PARD3B: variants seen among roughly 807,000 people sequenced by gnomAD.
PARD3B encodes the protein partitioning defective 3 homolog B.
In PARD3B, 103 loss-of-function variants were observed where a neutral mutation model predicts 130.2. The observed-to-expected ratio is 0.79, with a 90% CI of 0.67 to 0.93. The LOEUF is 0.93. Among genes scored for constraint, PARD3B ranks in the 40% least tolerant of loss-of-function variants. The probability of loss-of-function intolerance (pLI) is 0.00; values close to 1 mark genes in which losing one functional copy is unlikely to be tolerated. For missense variants in PARD3B, 1,609 were observed against 1,499.2 expected (o/e 1.07, Z -1.21); for synonymous variants, 583 against 553.2 (o/e 1.05, Z -0.76).
At chr2:205,488,276 G>C (rs1024583907) in intron 20 of PARD3B, among the ~76,000 whole-genome samples, 1 of 152,032 alleles carries the variant, frequency 6.6e-6, no homozygotes. Context: ...GGGTGTTGGG[G>C]GTTGGGGAAC....
At chr2:204,818,128 T>C (rs2043210248) in intron 2 of PARD3B, among the ~76,000 whole-genome samples, 2 of 152,216 alleles carry the variant, frequency 1.3e-5, no homozygotes, top group Admixed American at 1.3e-4. Context: ...ACATCTGCTT[T>C]AGCATTCAGC....
chr2:205,217,895 T>TATA (rs1477830487), intron 15 of PARD3B, among the ~76,000 whole-genome samples: 19 of 33,358 alleles, frequency 5.7e-4, no homozygotes, highest in South Asian at 1.0e-3. Flanking sequence ...TATATATATA[T>TATA]TTTTTTTTTT....
Position 205,223,935 on chromosome 2 carries a change from A to G in PARD3B, c.2141-21843A>G, listed in dbSNP as rs532501328. ...CTGTCATTGTATTACAAACAATCCA[A>G]TTATACTATTTTAGTCATTCCGGAG... On this transcript the variant is annotated intron_variant, in intron 15 of 22. Transcript: ENST00000406610. Among the ~76,000 whole-genome samples the G allele has an allele frequency of 7.2e-5, 11 of 152,182 alleles. No individual in the cohort carries two copies. In the East Asian group the frequency reaches 1.7e-3, roughly 24 times the overall value.
chr2:205,497,001 T>G (rs945311532), intron 20 of PARD3B, among the ~76,000 whole-genome samples: 2 of 152,020 alleles, frequency 1.3e-5, no homozygotes, highest in African/African-American at 4.8e-5. Flanking sequence ...ACAGACACCA[T>G]GGTCATCTCG....
intron 3 of PARD3B, among the ~76,000 whole-genome samples, chr2:204,968,494 C>T (rs1325184651): frequency 1.3e-5 from 2 of 152,210 alleles, no homozygotes; most frequent in Non-Finnish European, 2.9e-5. Flanking sequence ...CTAGCTGCTT[C>T]CTCTCTGCCC....
At chr2:205,340,539 A>G (rs1606239) in intron 18 of PARD3B, among the ~76,000 whole-genome samples, 90,400 of 151,966 alleles carry the variant, frequency 0.59, 30,566 homozygotes, top group South Asian at 0.77. Context: ...AAAACTTGAT[A>G]TCTGTGTGCA....
intron 1 of PARD3B, among the ~76,000 whole-genome samples, chr2:204,597,341 T>C (rs1352234723): frequency 6.6e-6 from 1 of 152,122 alleles, no homozygotes; most frequent in East Asian, 1.9e-4. Context: ...ATATGGACAC[T>C]TAAAAAGTCT....
rs773740137 is a variant in PARD3B at position 205,352,931 on chromosome 2, T to C, written c.2631-48082T>C. ...ACATCATATGGAGAAAGAACCAATGTTTCATCTTTCTGTTTTTCAGAAGTC... is the reference window on the plus strand; with the variant it reads ...ACATCATATGGAGAAAGAACCAATGCTTCATCTTTCTGTTTTTCAGAAGTC... On this transcript the variant is annotated intron_variant, in intron 18 of 22. Transcript: ENST00000406610. This position sits in a 1 kb window ranked among gnomAD's most constrained non-coding sequence, Gnocchi z 5.2. 3.3e-5 allele frequency among the ~76,000 whole-genome samples: 5 copies of C among 152,168 alleles called. No individual in the cohort carries two copies. Among genetic ancestry groups the C allele is most frequent in the Non-Finnish European group, 7.3e-5 (5 of 68,032 alleles).
chr2:205,444,701 G>A (rs966990242), intron 20 of PARD3B, among the ~76,000 whole-genome samples: 77 of 152,282 alleles, frequency 5.1e-4, no homozygotes, highest in African/African-American at 1.8e-3. Flanking sequence ...AGTAAGAGAT[G>A]ATTACAGTAG....
intron 18 of PARD3B, among the ~76,000 whole-genome samples, chr2:205,329,994 A>AAAAT (rs199881710): frequency 0.044 from 2,794 of 62,940 alleles, 43 homozygotes; most frequent in East Asian, 0.099. Context: ...ACGCCGTCTC[A>AAAAT]AAATAAATAA....
At chr2:205,046,578 A>G (rs973682324) in intron 3 of PARD3B, among the ~76,000 whole-genome samples, 2 of 152,040 alleles carry the variant, frequency 1.3e-5, no homozygotes, top group Non-Finnish European at 2.9e-5. Context: ...ATGTTAAAGC[A>G]CACATAAAAA....
At chr2:204,745,842 T>G (rs1214258719) in intron 2 of PARD3B, among the ~76,000 whole-genome samples, 1 of 152,096 alleles carries the variant, frequency 6.6e-6, no homozygotes, top group Non-Finnish European at 1.5e-5. Context: ...ACTATTCACT[T>G]GCTGAATTCC....
At chr2:205,571,186 C>T (rs2053548983) in intron 22 of PARD3B, among the ~76,000 whole-genome samples, 1 of 152,156 alleles carries the variant, frequency 6.6e-6, no homozygotes, top group Admixed American at 6.5e-5. Flanking sequence ...AATTTAAAGG[C>T]CGCTATATCT....
intron 3 of PARD3B, among the ~76,000 whole-genome samples, chr2:204,979,594 T>C (rs1342099607): frequency 2.0e-5 from 3 of 152,202 alleles, no homozygotes; most frequent in African/African-American, 7.2e-5. Flanking sequence ...AGTGTAGAAT[T>C]GACAAGACAG....
intron 1 of PARD3B, among the ~76,000 whole-genome samples, chr2:204,644,898 C>G (rs1189361480): frequency 2.6e-5 from 4 of 152,084 alleles, no homozygotes; most frequent in African/African-American, 9.7e-5. Context: ...TATGAAAAAC[C>G]TTTTAAATAT....
rs1484375914 is a variant in PARD3B, at chr2:205,618,974, A to G, written c.*3161A>G. On this transcript the variant is annotated 3_prime_UTR_variant, in exon 23 of 23. Coordinates refer to ENST00000406610, the MANE Select transcript of PARD3B (RefSeq NM_001302769.2). Reference sequence around the variant, plus strand: ...TCATTATTCTTAGATCTGTAGATATATATGTGTTGACTCCCACAGGATGGC... The same window carrying G: ...TCATTATTCTTAGATCTGTAGATATGTATGTGTTGACTCCCACAGGATGGC... 1 of 152,234 alleles carries G rather than the reference A, an allele frequency of 6.6e-6. No homozygotes were observed. The highest frequency in any genetic ancestry group is 6.5e-5 in the Admixed American group (1 of 15,284). 9.4% of individuals were successfully genotyped at this position (152,234 alleles called of 1,614,324 possible). A position where few individuals can be genotyped will look rare whatever the true frequency, so the allele number is the denominator to read the frequency against.
chr2:204,701,528 A>C (rs2037891867), intron 2 of PARD3B, among the ~76,000 whole-genome samples: 1 of 152,154 alleles, frequency 6.6e-6, no homozygotes, highest in Non-Finnish European at 1.5e-5. Flanking sequence ...TGTACCTTGA[A>C]ATACACATAT....
chr2:204,761,553 GT>G (rs1215472400), intron 2 of PARD3B, among the ~76,000 whole-genome samples: 4 of 146,670 alleles, frequency 2.7e-5, no homozygotes, highest in East Asian at 2.0e-4. Context: ...ACCCATAGTT[GT>G]TTTTTTTTAA....
At chr2:204,976,223 A>G (rs1472432159) in intron 3 of PARD3B, among the ~76,000 whole-genome samples, 2 of 152,232 alleles carry the variant, frequency 1.3e-5, no homozygotes, top group Non-Finnish European at 2.9e-5. Flanking sequence ...ATGGAGAAAT[A>G]CATAGATTAT....
Sources: allele counts gnomAD v4.1 joint callset (sites outside exome capture counted in the v4.1 genomes callset), GRCh38; gene constraint gnomAD v4.1.1; non-coding constraint Gnocchi (gnomAD v3.1); transcripts MANE v1.5; gene names NCBI Gene and HGNC (gene_info 2026-07-23, HGNC 2026-07-21).